The following ADAM19 variants were observed in gnomAD, a reference collection of about 807,000 sequenced individuals.
ADAM19 encodes disintegrin and metalloproteinase domain-containing protein 19.
Under a neutral mutation model 114.7 loss-of-function variants are expected in ADAM19, and 65 were observed. The ratio of observed to expected loss-of-function variants is 0.57; its 90% CI spans 0.46 to 0.70. The LOEUF is 0.70. ADAM19 is among the 30% of genes least tolerant of loss of function. ADAM19 has a pLI of 0.00. For synonymous variants in ADAM19, 466 were observed against 460.5 expected (o/e 1.01, Z -0.15); for missense variants, 1,063 against 1,204.7 (o/e 0.88, Z 1.74).
intron 3 of ADAM19, among the ~76,000 whole-genome samples, chr5:157,544,088 C>T (rs1756986684): frequency 6.6e-6 from 1 of 152,162 alleles, no homozygotes; most frequent in Non-Finnish European, 1.5e-5. Flanking sequence ...CAGGGGGCTG[C>T]AAGCAGACAC....
chr5:157,494,864 G>A, intron 14 of ADAM19, 69 bp from the exon 15 acceptor site: 1 of 1,282,234 alleles, frequency 7.8e-7, no homozygotes, highest in South Asian at 1.2e-5. Context: ...AGGTATCTTT[G>A]GTAAAGTCAT....
Position 157,480,371 on chromosome 5 carries a change from C to T in ADAM19, c.*578G>A, listed in dbSNP as rs1228617873. 8 of 987,636 alleles carry T rather than the reference C, an allele frequency of 8.1e-6. No homozygotes were observed. Among genetic ancestry groups the T allele is most frequent in the Admixed American group, 6.0e-5 (1 of 16,576 alleles). The allele number at this position is 987,636 out of a possible 1,614,324, so 61.2% of individuals were successfully genotyped here. A position where few individuals can be genotyped will look rare whatever the true frequency, so the allele number is the denominator to read the frequency against. The stretch of plus-strand genomic sequence containing the variant: ...GGGTTTGGGGAGAGGTGGGAGGGGA[C>T]GTGGCTTGTCACATGCAGCCATACA... On this transcript the variant is annotated 3_prime_UTR_variant, in exon 23 of 23. Coordinates refer to ENST00000257527, the MANE Select transcript of ADAM19 (RefSeq NM_033274.5).
chr5:157,502,054 A>C (rs1755578303), intron 12 of ADAM19, among the ~76,000 whole-genome samples: 1 of 150,816 alleles, frequency 6.6e-6, no homozygotes, highest in African/African-American at 2.4e-5. Flanking sequence ...GAGAGAGAGA[A>C]GGCCATAAAA....
rs1279771253 is a variant in ADAM19, at chr5:157,554,834, T to C, written c.251+9539A>G. Among the ~76,000 whole-genome samples the C allele has an allele frequency of 7.9e-5, 12 of 152,194 alleles. No individual in the cohort carries two copies. The East Asian group carries it at 2.3e-3, about 29-fold the overall frequency. Reference sequence around the variant, plus strand: ...ATCCCCATCACGTAGATGAGAAAACTGAGACTCTCAAAGGTTGAGCGACTT... The same window carrying C: ...ATCCCCATCACGTAGATGAGAAAACCGAGACTCTCAAAGGTTGAGCGACTT... On this transcript the variant is annotated intron_variant, in intron 3 of 22. Coordinates refer to ENST00000257527, the MANE Select transcript of ADAM19 (RefSeq NM_033274.5).
chr5:157,516,575 G>T (rs1473782086), intron 7 of ADAM19, among the ~76,000 whole-genome samples: 2 of 152,160 alleles, frequency 1.3e-5, no homozygotes, highest in Non-Finnish European at 2.9e-5. Flanking sequence ...GGCCAAAGGG[G>T]AGAAACACCC....
intron 1 of ADAM19, chr5:157,572,187 G>A: frequency 4.8e-6 from 2 of 415,492 alleles, no homozygotes; most frequent in South Asian, 1.7e-5. Flanking sequence ...CCGGGTTCAT[G>A]CCATTCTCCT....
chr5:157,497,588 C>T (rs1304682917), intron 13 of ADAM19, among the ~76,000 whole-genome samples: 4 of 148,712 alleles, frequency 2.7e-5, no homozygotes, highest in African/African-American at 1.0e-4. Flanking sequence ...CACACACACA[C>T]ACACACACAC....
intron 12 of ADAM19, among the ~76,000 whole-genome samples, chr5:157,501,341 A>C (rs1410934129): frequency 6.6e-6 from 1 of 152,160 alleles, no homozygotes; most frequent in Admixed American, 6.5e-5. Flanking sequence ...GTTCCCCCTC[A>C]CATTATATAT....
intron 3 of ADAM19, among the ~76,000 whole-genome samples, chr5:157,549,909 T>C (rs116040473): frequency 9.0e-4 from 137 of 152,304 alleles, no homozygotes; most frequent in Middle Eastern, 3.4e-3. Context: ...TATAATGTAA[T>C]ACCATATAGC....
At chr5:157,537,505 C>T (rs1270530716) in intron 4 of ADAM19, among the ~76,000 whole-genome samples, 2 of 152,184 alleles carry the variant, frequency 1.3e-5, no homozygotes, top group Non-Finnish European at 2.9e-5. Context: ...GTGATTACAA[C>T]TCTGTAAATG....
Position 157,537,902 on chromosome 5 carries a change from C to T in ADAM19, c.330+11G>A. On this transcript the variant is annotated intron_variant, in intron 4 of 22. Transcript: ENST00000257527. ...CAGCTGCTGGATAGACATTTGTTGA[C>T]CTGAACTCACCTCCAATTTCCGTGT... 1 of 1,611,520 alleles carries T rather than the reference C, an allele frequency of 6.2e-7. No individual in the cohort carries two copies.
intron 8 of ADAM19, among the ~76,000 whole-genome samples, chr5:157,510,343 G>A (rs936068110): frequency 6.6e-6 from 1 of 152,124 alleles, no homozygotes; most frequent in East Asian, 1.9e-4. Context: ...GCGTGGTGGC[G>A]CATGCCTGTA....
At chr5:157,503,911 T>C (rs1042099137) in intron 11 of ADAM19, among the ~76,000 whole-genome samples, 1 of 152,150 alleles carries the variant, frequency 6.6e-6, no homozygotes, top group Non-Finnish European at 1.5e-5. Context: ...GGTCCCACCA[T>C]TGGTGAAAAG....
At position 157,509,284 on chromosome 5, in the gene ADAM19, G is replaced by A; in HGVS notation, c.905+17C>T. The A allele has an allele frequency of 4.4e-6, 7 of 1,597,526 alleles. No individual in the cohort carries two copies. The highest frequency in any genetic ancestry group is 6.0e-6 in the Non-Finnish European group (7 of 1,168,952). ...TGCAGCCAAGGACAACACAACATAT[G>A]GAAAAAGGCTATTTACGTGATTAAT... On this transcript the variant is annotated intron_variant, in intron 9 of 22. Transcript: ENST00000257527.
chr5:157,480,231 C>A lies in ADAM19; in HGVS notation c.*718G>T, dbSNP rs922129572. ...AATTATCCAGAGTCAGGAGTCGCAA[C>A]CTTTGGCATCACGGCTCAGAGGAAG... On this transcript the variant is annotated 3_prime_UTR_variant, in exon 23 of 23. Transcript: ENST00000257527. 1 of 985,924 alleles carries A rather than the reference C, an allele frequency of 1.0e-6. No individual in the cohort carries two copies. Among genetic ancestry groups the A allele is most frequent in the Non-Finnish European group, 1.2e-6 (1 of 830,042 alleles). The allele number at this position is 985,924 out of a possible 1,614,324, so 61.1% of individuals were successfully genotyped here.
At chr5:157,499,475 A>G in intron 13 of ADAM19, 98 bp downstream of exon 13, 3 of 1,040,236 alleles carry the variant, frequency 2.9e-6, no homozygotes, top group Non-Finnish European at 3.0e-6. Flanking sequence ...TCACAGCCCC[A>G]GGATGGAGGC....
intron 3 of ADAM19, among the ~76,000 whole-genome samples, chr5:157,559,009 T>C (rs1451919762): frequency 6.6e-6 from 1 of 152,172 alleles, no homozygotes; most frequent in Non-Finnish European, 1.5e-5. Context: ...TCCTTCCCTA[T>C]GATATCACTG....
chr5:157,545,743 G>C (rs1437068486), intron 3 of ADAM19, among the ~76,000 whole-genome samples: 1 of 152,210 alleles, frequency 6.6e-6, no homozygotes, highest in African/African-American at 2.4e-5. Context: ...ACTAGAGTAA[G>C]CTAAATGTCA....
At chr5:157,547,027 G>A (rs1757068827) in intron 3 of ADAM19, among the ~76,000 whole-genome samples, 1 of 152,198 alleles carries the variant, frequency 6.6e-6, no homozygotes, top group Non-Finnish European at 1.5e-5. Flanking sequence ...TAGATAAGGA[G>A]GAGAAAACAG....
Sources: gnomAD v4.1 joint callset for allele counts (sites outside exome capture counted in the v4.1 genomes callset) on GRCh38, gnomAD v4.1.1 for gene constraint, MANE v1.5 for transcripts, NCBI Gene and HGNC (gene_info 2026-07-23, HGNC 2026-07-21) for gene names.